Variants in MACIR observed in about 807,000 individuals in gnomAD.
MACIR encodes UNC119-binding protein C5orf30.
MACIR carries 4 observed loss-of-function variants against 14.3 expected under a neutral mutation model. The observed-to-expected ratio is 0.28, with a 90% CI of 0.14 to 0.64. The LOEUF is 0.64. Among genes scored for constraint, MACIR ranks in the 30% least tolerant of loss-of-function variants. MACIR has a pLI of 0.83. For missense variants in MACIR, 228 were observed against 257.6 expected, an observed-to-expected ratio of 0.89 and a Z score of 0.79; for synonymous variants, 101 against 102.4, an observed-to-expected ratio of 0.99 and a Z score of 0.08.
At chr5:103,274,470 A>T (rs1805247911) in intron 2 of MACIR, among the ~76,000 whole-genome samples, 1 of 151,866 alleles carries the variant, frequency 6.6e-6, no homozygotes, top group Non-Finnish European at 1.5e-5. Flanking sequence ...AATGGCAAAT[A>T]GTCTAAGGTT....
At position 103,276,593 on chromosome 5, in the gene MACIR, A is replaced by T; in HGVS notation, c.*53A>T. 1.3e-6 allele frequency: 2 copies of T among 1,510,616 alleles called. No individual in the cohort carries two copies. The highest frequency in any genetic ancestry group is 4.5e-5 in the East Asian group (2 of 44,316). The allele number at this position is 1,510,616 out of a possible 1,614,324, so 93.6% of individuals were successfully genotyped here. ...TAGGTCAGCCTACGCTTGGCTAGAA[A>T]AAACCCACTGCTGTACTCTGTACAT... On this transcript the variant is annotated 3_prime_UTR_variant, in exon 3 of 3. Coordinates refer to ENST00000319933, the MANE Select transcript of MACIR (RefSeq NM_033211.4).
In MACIR at chr5:103,275,790, C is replaced by G; in HGVS notation, c.-23-107C>G. Reference sequence around the variant, plus strand: ...TACATGTCAGTGGTACATTGACTGTCTTTCAGGCAAGTGTTACTTCATGCT... The same window carrying G: ...TACATGTCAGTGGTACATTGACTGTGTTTCAGGCAAGTGTTACTTCATGCT... On this transcript the variant is annotated intron_variant, in intron 2 of 2. Transcript: ENST00000319933. 4.5e-6 allele frequency: 4 copies of G among 895,706 alleles called. No homozygotes were observed. In the South Asian group the frequency reaches 5.4e-5, roughly 12 times the overall value. The allele number at this position is 895,706 out of a possible 1,614,324, so 55.5% of individuals were successfully genotyped here. A position where few individuals can be genotyped will look rare whatever the true frequency, so the allele number is the denominator to read the frequency against.
intron 2 of MACIR, among the ~76,000 whole-genome samples, chr5:103,271,181 G>A (rs1407121577): frequency 1.3e-5 from 2 of 152,074 alleles, no homozygotes; most frequent in Admixed American, 1.3e-4. Context: ...TTTCTTAAAT[G>A]AAATACAGGT....
At position 103,276,680 on chromosome 5, in the gene MACIR, G is replaced by A. The variant is rs1805347425; in HGVS notation, c.*140G>A. Reference sequence around the variant, plus strand: ...GTTCCTGGAACATAAAAATTGTTTGGGTCAAATTTGAATACAGGAATGAAA... The same window carrying A: ...GTTCCTGGAACATAAAAATTGTTTGAGTCAAATTTGAATACAGGAATGAAA... On this transcript the variant is annotated 3_prime_UTR_variant, in exon 3 of 3. Transcript: ENST00000319933. 1.3e-6 allele frequency: 1 copy of A among 767,804 alleles called. No homozygotes were observed. Among genetic ancestry groups the A allele is most frequent in the African/African-American group, 1.8e-5 (1 of 56,892 alleles). 47.6% of individuals were successfully genotyped at this position (767,804 alleles called of 1,614,324 possible). A position where few individuals can be genotyped will look rare whatever the true frequency, so the allele number is the denominator to read the frequency against.
At chr5:103,262,607 C>T (rs1310865968) in intron 1 of MACIR, among the ~76,000 whole-genome samples, 1 of 152,210 alleles carries the variant, frequency 6.6e-6, no homozygotes, top group East Asian at 1.9e-4. Context: ...TTTGTAGAAG[C>T]TCCACTTGCA....
chr5:103,272,117 C>T (rs985080259), intron 2 of MACIR, among the ~76,000 whole-genome samples: 1 of 152,044 alleles, frequency 6.6e-6, no homozygotes, highest in African/African-American at 2.4e-5. Flanking sequence ...GTTTATTTGA[C>T]AATATGAAAC....
intron 1 of MACIR, among the ~76,000 whole-genome samples, chr5:103,261,671 T>G (rs573367550): frequency 1.5e-4 from 19 of 127,312 alleles, no homozygotes; most frequent in Non-Finnish European, 3.0e-4. Flanking sequence ...TCTTTCTTTC[T>G]TTCTTTCTTT....
intron 2 of MACIR, among the ~76,000 whole-genome samples, chr5:103,269,647 C>CTT (rs1296281749): frequency 6.6e-6 from 1 of 152,074 alleles, no homozygotes; most frequent in African/African-American, 2.4e-5. Flanking sequence ...AAATGTTGCT[C>CTT]TTTGTGCCAA....
At position 103,277,108 on chromosome 5, in the gene MACIR, A is replaced by G. The variant is rs1048533500; in HGVS notation, c.*568A>G. ...ATTGACAAGAGAGTAATCTTTCTTC[A>G]CTTGCCTCAATAATGTTATTGAGCA... On this transcript the variant is annotated 3_prime_UTR_variant, in exon 3 of 3. Transcript: ENST00000319933. 1.8e-5 allele frequency: 3 copies of G among 167,114 alleles called. No homozygotes were observed. Among genetic ancestry groups the G allele is most frequent in the East Asian group, 1.9e-4 (1 of 5,204 alleles). The allele number at this position is 167,114 out of a possible 1,614,324, so 10.4% of individuals were successfully genotyped here. A position where few individuals can be genotyped will look rare whatever the true frequency, so the allele number is the denominator to read the frequency against.
intron 2 of MACIR, among the ~76,000 whole-genome samples, chr5:103,268,471 T>G (rs908201050): frequency 6.6e-6 from 1 of 152,184 alleles, no homozygotes; most frequent in African/African-American, 2.4e-5. Flanking sequence ...TTGTTAGCAA[T>G]TATAAGCAGC....
chr5:103,264,078 T>G (rs1192346178), intron 1 of MACIR, among the ~76,000 whole-genome samples: 1 of 152,168 alleles, frequency 6.6e-6, no homozygotes, highest in Admixed American at 6.5e-5. Flanking sequence ...ACCCATACAC[T>G]TAAAATAGAT....
intron 2 of MACIR, among the ~76,000 whole-genome samples, chr5:103,269,969 G>A (rs2149929357): frequency 6.6e-6 from 1 of 152,272 alleles, no homozygotes; most frequent in South Asian, 2.1e-4. Flanking sequence ...TGTTTTAAGT[G>A]AGAATAATAT....
At chr5:103,273,360 T>A (rs1356340912) in intron 2 of MACIR, among the ~76,000 whole-genome samples, 2 of 150,214 alleles carry the variant, frequency 1.3e-5, no homozygotes, top group Admixed American at 6.6e-5. Context: ...TTTTTTTTTT[T>A]ATGGTGTTAT....
At chr5:103,264,576 TAGAA>T (rs1804854261) in intron 1 of MACIR, among the ~76,000 whole-genome samples, 1 of 152,144 alleles carries the variant, frequency 6.6e-6, no homozygotes, top group East Asian at 1.9e-4. Flanking sequence ...ATTGGTGGGG[TAGAA>T]TCAAGGCTTA....
At chr5:103,261,726 C>CTTTCTTTT (rs1804737137) in intron 1 of MACIR, among the ~76,000 whole-genome samples, 1 of 81,924 alleles carries the variant, frequency 1.2e-5, no homozygotes, top group Admixed American at 1.3e-4. Flanking sequence ...TTCTTTCTTT[C>CTTTCTTTT]TTTTCTTTCT....
Position 103,273,651 on chromosome 5 carries a change from C to T in MACIR, c.-23-2246C>T, listed in dbSNP as rs115303512. On this transcript the variant is annotated intron_variant, in intron 2 of 2. Coordinates refer to ENST00000319933, the MANE Select transcript of MACIR (RefSeq NM_033211.4). ...AAAAACTTTTGATGATTCTGTTGCC[C>T]TCAGAAGCCTGTGCCTCCTCCTCAT... is the stretch of plus-strand genomic sequence containing the variant. Among the ~76,000 whole-genome samples the T allele has an allele frequency of 1.5e-3, 234 of 152,238 alleles. 2 individuals are homozygous for T. Among genetic ancestry groups the T allele is most frequent in the African/African-American group, 5.4e-3 (226 of 41,544 alleles).
Position 103,276,556 on chromosome 5 carries a change from C to A in MACIR, c.*16C>A. 1 of 1,591,344 alleles carries A rather than the reference C, an allele frequency of 6.3e-7. No individual in the cohort carries two copies. The highest frequency in any genetic ancestry group is 1.1e-5 in the South Asian group (1 of 87,286). ...TAATACATGAATGACTTGGAGAGAG[C>A]TTAAACCAATTTAGGTCAGCCTACG... On this transcript the variant is annotated 3_prime_UTR_variant, in exon 3 of 3. Transcript: ENST00000319933.
At chr5:103,260,309 T>C (rs1289343926) in intron 1 of MACIR, among the ~76,000 whole-genome samples, 2 of 151,960 alleles carry the variant, frequency 1.3e-5, no homozygotes, top group African/African-American at 2.4e-5. Context: ...GGATTGACAC[T>C]ATAGAGGTAG....
Position 103,276,004 on chromosome 5 carries a change from G to A in MACIR, c.85G>A (p.Ala29Thr), listed in dbSNP as rs1233093952. ...GGCTGAGGCCAACTCCCCGGGAAAG[G>A]CGGAGGCAGAGAAGCCCCGCTGCTC... ...PGAEANSPGK[A>T]EAEKPRCSST... Residue 29 changes from alanine (A) to threonine (T), a missense_variant, in exon 3 of 3, where the codon GCG (alanine) becomes ACG (threonine). By Grantham distance (58) the Ala-to-Thr change is moderately conservative (BLOSUM62 0). Coordinates refer to ENST00000319933, the MANE Select transcript of MACIR (RefSeq NM_033211.4). 3 of 1,613,922 alleles carry A rather than the reference G, an allele frequency of 1.9e-6. No homozygotes were observed. The African/African-American group carries it at 4.0e-5, about 22-fold the overall frequency.
Sources: allele counts gnomAD v4.1 joint callset (sites outside exome capture counted in the v4.1 genomes callset), GRCh38; gene constraint gnomAD v4.1.1; transcripts MANE v1.5; gene names NCBI Gene and HGNC (gene_info 2026-07-23, HGNC 2026-07-21).